Variants in TECPR2 observed in about 807,000 individuals in gnomAD.
The protein encoded by TECPR2 is tectonin beta-propeller repeat-containing protein 2.
Under a neutral mutation model 138.1 loss-of-function variants are expected in TECPR2, and 65 were observed. The observed-to-expected ratio is 0.47, with a 90% CI of 0.39 to 0.58. The LOEUF is 0.58. Ranked by LOEUF, TECPR2 falls within the 20% of genes least tolerant of loss-of-function variation. TECPR2 has a pLI of 0.00. For synonymous variants in TECPR2, 746 were observed against 749.8 expected, an observed-to-expected ratio of 0.99 and a Z score of 0.08; for missense variants, 1,553 against 1,824.5, an observed-to-expected ratio of 0.85 and a Z score of 2.71.
At chr14:102,479,952 G>A (rs889319686) in intron 17 of TECPR2, among the ~76,000 whole-genome samples, 1 of 152,226 alleles carries the variant, frequency 6.6e-6, no homozygotes, top group Admixed American at 6.5e-5. Flanking sequence ...CAGCCAGGAG[G>A]GACTGTTCCC....
chr14:102,427,790 T>C (rs995975926), intron 6 of TECPR2, among the ~76,000 whole-genome samples: 4 of 152,190 alleles, frequency 2.6e-5, no homozygotes, highest in Admixed American at 6.5e-5. Context: ...GATGAGGTGC[T>C]GCAAGCCCTG....
At position 102,434,945 on chromosome 14, in the gene TECPR2, GA is replaced by G. The variant is rs748262069; in HGVS notation, c.2131del (p.Ile711TyrfsTer15). 1 of 1,614,058 alleles carries G rather than the reference GA, an allele frequency of 6.2e-7. No individual in the cohort carries two copies. Among genetic ancestry groups the G allele is most frequent in the South Asian group, 1.1e-5 (1 of 91,092 alleles). ...AVTDDDTGQK[E>X]IPISERVLGS... The stretch of plus-strand genomic sequence containing the variant: ...CACTGATGATGACACAGGTCAGAAA[GA>G]AATACCCATTTCTGAACGTGTCTTG... On this transcript the variant is annotated frameshift_variant, in exon 9 of 20. Transcript: ENST00000359520. LOFTEE classifies it high-confidence loss of function.
chr14:102,381,260 C>T (rs1182626155), intron 2 of TECPR2, among the ~76,000 whole-genome samples: 5 of 152,164 alleles, frequency 3.3e-5, no homozygotes, highest in African/African-American at 7.2e-5. Context: ...TGCGCCTGGC[C>T]GATAGTAGCA....
chr14:102,497,435 A>G, intron 18 of TECPR2, 135 bp from the exon 19 acceptor site: 2 of 1,256,286 alleles, frequency 1.6e-6, no homozygotes, highest in Non-Finnish European at 1.1e-6. Context: ...TCCTGCCCCA[A>G]GCCCAGCCCA....
At chr14:102,473,440 C>T (rs1218007658) in intron 17 of TECPR2, among the ~76,000 whole-genome samples, 1 of 152,242 alleles carries the variant, frequency 6.6e-6, no homozygotes, top group Non-Finnish European at 1.5e-5. Context: ...TTATGTTCTA[C>T]ATCTTTCCAC....
In TECPR2 at chr14:102,497,583, C is replaced by T. The variant is rs1231945915; in HGVS notation, c.3945C>T (p.Cys1315=). 1.2e-6 allele frequency: 2 copies of T among 1,600,156 alleles called. No individual in the cohort carries two copies. The highest frequency in any genetic ancestry group is 8.5e-7 in the Non-Finnish European group (1 of 1,172,588). ...AWEHVPGLQA[C]QLALSTRTVW... ...GTCTGCCCACAGGGTTGCAGGCCTG[C>T]CAGCTGGCGCTGAGCACCAGGACCG... The change falls in exon 19 of 20, where the codon TGC becomes TGT. Residue 1315 remains cysteine (C), a synonymous_variant. Transcript: ENST00000359520.
At chr14:102,387,019 G>A (rs965651577) in intron 2 of TECPR2, among the ~76,000 whole-genome samples, 7 of 152,186 alleles carry the variant, frequency 4.6e-5, no homozygotes, top group African/African-American at 7.2e-5. Flanking sequence ...ATACAGATGC[G>A]TGGTCTCTTT....
intron 1 of TECPR2, among the ~76,000 whole-genome samples, chr14:102,367,606 C>T (rs960557255): frequency 6.6e-6 from 1 of 152,190 alleles, no homozygotes; most frequent in African/African-American, 2.4e-5. Context: ...TATTGCTGAA[C>T]AGGCTTCCAT....
intron 16 of TECPR2, among the ~76,000 whole-genome samples, chr14:102,463,930 A>G (rs1456393972): frequency 6.6e-6 from 1 of 152,204 alleles, no homozygotes; most frequent in African/African-American, 2.4e-5. Context: ...TCTCAAAAAC[A>G]AACAGAACAA....
chr14:102,463,214 C>T (rs908268081), intron 16 of TECPR2, among the ~76,000 whole-genome samples: 1 of 151,876 alleles, frequency 6.6e-6, no homozygotes, highest in Non-Finnish European at 1.5e-5. Context: ...GTCAGGAGTT[C>T]AAGACCAGCT....
intron 5 of TECPR2, among the ~76,000 whole-genome samples, chr14:102,423,104 C>T (rs1889228201): frequency 6.6e-6 from 1 of 152,134 alleles, no homozygotes; most frequent in Non-Finnish European, 1.5e-5. Flanking sequence ...CTTGTCCAAC[C>T]CACGGCCCAA....
chr14:102,458,964 C>CAT (rs1162146439), intron 16 of TECPR2, among the ~76,000 whole-genome samples: 35 of 79,268 alleles, frequency 4.4e-4, no homozygotes, highest in African/African-American at 1.8e-3. Flanking sequence ...AAAAAATACA[C>CAT]ACATATATAT....
chr14:102,495,804 A>C (rs972166058), intron 17 of TECPR2, among the ~76,000 whole-genome samples: 1 of 152,204 alleles, frequency 6.6e-6, no homozygotes, highest in African/African-American at 2.4e-5. Flanking sequence ...GGCATTTCAT[A>C]CATGCGTTCA....
At chr14:102,372,208 C>T (rs1051809440) in intron 1 of TECPR2, among the ~76,000 whole-genome samples, 1 of 152,096 alleles carries the variant, frequency 6.6e-6, no homozygotes, top group Non-Finnish European at 1.5e-5. Context: ...ACCTTGGCCT[C>T]CCAAAGTGCT....
At chr14:102,454,685 A>G (rs947241736) in intron 16 of TECPR2, among the ~76,000 whole-genome samples, 1 of 152,176 alleles carries the variant, frequency 6.6e-6, no homozygotes, top group African/African-American at 2.4e-5. Flanking sequence ...TCCTACCCAG[A>G]CTAACTGGAA....
intron 4 of TECPR2, among the ~76,000 whole-genome samples, chr14:102,410,944 A>ACTCTC (rs1263590536): frequency 1.3e-5 from 2 of 152,426 alleles, no homozygotes; most frequent in South Asian, 4.1e-4. Flanking sequence ...CTCTAATCAG[A>ACTCTC]TATCCTGAGT....
In TECPR2 at chr14:102,501,841, A is replaced by C. The variant is rs1259494801; in HGVS notation, c.*3584A>C. 1 of 152,216 alleles carries C rather than the reference A, an allele frequency of 6.6e-6. No individual in the cohort carries two copies. The highest frequency in any genetic ancestry group is 1.9e-4 in the East Asian group (1 of 5,202). The allele number at this position is 152,216 out of a possible 1,614,324, so 9.4% of individuals were successfully genotyped here. A position where few individuals can be genotyped will look rare whatever the true frequency, so the allele number is the denominator to read the frequency against. On this transcript the variant is annotated 3_prime_UTR_variant, in exon 20 of 20. Coordinates refer to ENST00000359520, the MANE Select transcript of TECPR2 (RefSeq NM_014844.5). Reference sequence around the variant, plus strand: ...GAGTGTAAGGGCCCTTCACAAAAGCAGAAGGAACACTGGCCCAAACCCCCA... The same window carrying C: ...GAGTGTAAGGGCCCTTCACAAAAGCCGAAGGAACACTGGCCCAAACCCCCA...
chr14:102,490,501 G>A (rs950027479), intron 17 of TECPR2, among the ~76,000 whole-genome samples: 6 of 152,220 alleles, frequency 3.9e-5, no homozygotes, highest in African/African-American at 7.2e-5. Context: ...CTTTTCAAGC[G>A]TTGGTTTTTT....
chr14:102,466,205 A>G (rs1890547676), intron 17 of TECPR2, among the ~76,000 whole-genome samples: 1 of 151,986 alleles, frequency 6.6e-6, no homozygotes, highest in Admixed American at 6.6e-5. Flanking sequence ...TGGTGGGAGA[A>G]CCTTTACTGA....
Sources: gnomAD v4.1 joint callset for allele counts (sites outside exome capture counted in the v4.1 genomes callset) on GRCh38, gnomAD v4.1.1 for gene constraint, MANE v1.5 for transcripts, NCBI Gene and HGNC (gene_info 2026-07-23, HGNC 2026-07-21) for gene names.